ARHGEF12: variants seen among roughly 807,000 people sequenced by gnomAD.
ARHGEF12 encodes the protein KMT2A/ARHGEF12 fusion protein.
A neutral mutation model predicts 211.2 loss-of-function variants in ARHGEF12; 66 were observed. The observed-to-expected ratio is 0.31, with a 90% confidence interval of 0.26 to 0.38. The LOEUF (loss-of-function observed/expected upper bound fraction) is 0.38. ARHGEF12 is among the 10% of genes least tolerant of loss of function. ARHGEF12 has a pLI of 1.00. For synonymous variants in ARHGEF12, 592 were observed against 638.4 expected, an observed-to-expected ratio of 0.93 and a Z score of 1.09; for missense variants, 1,429 against 1,869.5, an observed-to-expected ratio of 0.76 and a Z score of 4.34.
chr11:120,387,069 A>G (rs563329579), intron 1 of ARHGEF12, among the ~76,000 whole-genome samples: 1 of 152,216 alleles, frequency 6.6e-6, no homozygotes, highest in East Asian at 1.9e-4. Flanking sequence ...ATCATTTAAC[A>G]TCGTCTGTAA....
At chr11:120,349,430 C>T (rs1942866588) in intron 1 of ARHGEF12, among the ~76,000 whole-genome samples, 1 of 151,788 alleles carries the variant, frequency 6.6e-6, no homozygotes, top group African/African-American at 2.4e-5. Context: ...GATATCTCAG[C>T]CCTTAATTAT....
In ARHGEF12 at chr11:120,480,250, A is replaced by G. The variant is rs750379086; in HGVS notation, c.4057A>G (p.Ile1353Val). ...LAPQDSQASN[I>V]LVMDHMIMTP... Reference sequence around the variant, plus strand: ...ACCCCAGGATAGCCAGGCAAGTAACATTTTAGTAATGGACCACATGATTAT... The same window carrying G: ...ACCCCAGGATAGCCAGGCAAGTAACGTTTTAGTAATGGACCACATGATTAT... Residue 1353 changes from isoleucine to valine, a missense_variant, in exon 38 of 41, where the codon ATT (isoleucine) becomes GTT (valine). Ile to Val is a conservative substitution (Grantham distance 29). Transcript: ENST00000397843. 12 of 1,614,184 alleles carry G rather than the reference A, an allele frequency of 7.4e-6. No individual in the cohort carries two copies. The South Asian group carries it at 1.2e-4, about 16-fold the overall frequency.
intron 22 of ARHGEF12, 69 bp from the exon 23 acceptor site, chr11:120,457,049 A>T: frequency 6.6e-7 from 1 of 1,518,578 alleles, no homozygotes; most frequent in Non-Finnish European, 9.0e-7. Flanking sequence ...TCTGGGAACT[A>T]ATTTTTTTTG....
At chr11:120,405,441 G>A (rs1170684795) in intron 1 of ARHGEF12, among the ~76,000 whole-genome samples, 1 of 152,084 alleles carries the variant, frequency 6.6e-6, no homozygotes, top group African/African-American at 2.4e-5. Flanking sequence ...CAGCTTATAG[G>A]ACCCCCCCAG....
chr11:120,466,227 T>G (rs1174414350), intron 28 of ARHGEF12, among the ~76,000 whole-genome samples: 1 of 152,258 alleles, frequency 6.6e-6, no homozygotes, highest in Admixed American at 6.5e-5. Context: ...CTCGAGGTTC[T>G]CTTCTAAGCT....
At chr11:120,441,140 T>C (rs1202551361) in intron 13 of ARHGEF12, among the ~76,000 whole-genome samples, 1 of 152,152 alleles carries the variant, frequency 6.6e-6, no homozygotes, top group Non-Finnish European at 1.5e-5. Flanking sequence ...GTGTGTTGTT[T>C]TTCTTTTTGT....
chr11:120,367,704 T>C (rs7116481), intron 1 of ARHGEF12, among the ~76,000 whole-genome samples: 94,437 of 151,952 alleles, frequency 0.62, 30,729 homozygotes, highest in African/African-American at 0.81. Context: ...AGTGCAGTGG[T>C]TCATGCCTGT....
chr11:120,421,861 T>A lies in ARHGEF12; in HGVS notation c.348+9T>A, dbSNP rs532006. The A allele has an allele frequency of 1, 1,604,319 of 1,607,896 alleles. 800,459 individuals carry two copies. The highest frequency in any genetic ancestry group is 1 in the South Asian group (90,049 of 90,050). On this transcript the variant is annotated intron_variant, in intron 6 of 40. Transcript: ENST00000397843. Reference sequence around the variant, plus strand: ...GTGATCGAATCATCAAGGTAAGGAATAGGCTATTATAGAATTTACGGTAGG... The same window carrying A: ...GTGATCGAATCATCAAGGTAAGGAAAAGGCTATTATAGAATTTACGGTAGG...
chr11:120,457,439 G>A (rs951333726), intron 23 of ARHGEF12, 189 bp downstream of exon 23: 10 of 551,082 alleles, frequency 1.8e-5, no homozygotes, highest in Non-Finnish European at 8.6e-6. Flanking sequence ...GACCAGCCTG[G>A]GCAACGTAGT....
chr11:120,358,501 T>A (rs920674001), intron 1 of ARHGEF12, among the ~76,000 whole-genome samples: 3 of 152,190 alleles, frequency 2.0e-5, no homozygotes, highest in African/African-American at 7.2e-5. Context: ...AGATTTAGTT[T>A]AAGTTACTAA....
At chr11:120,389,293 GAGCAAAAGTTTTAA>G (rs1944136999) in intron 1 of ARHGEF12, among the ~76,000 whole-genome samples, 1 of 152,002 alleles carries the variant, frequency 6.6e-6, no homozygotes, top group South Asian at 2.1e-4. Flanking sequence ...ACATTTCCTT[GAGCAAAAGTTTTAA>G]AGTTTGAATT....
Position 120,457,152 on chromosome 11 carries a change from A to G in ARHGEF12, c.2091A>G (p.Gly697=), listed in dbSNP as rs768226543. ...SKQVGETSAP[G]DTLDGTPRTL... is the part of the protein sequence containing the mutation. ...AAGTTGGAGAAACATCAGCACCTGG[A>G]GACACCTTAGATGGCACACCTCGTA... Residue 697 remains glycine, a synonymous_variant, in exon 23 of 41, where the codon GGA becomes GGG. Transcript: ENST00000397843. 6 of 1,614,042 alleles carry G rather than the reference A, an allele frequency of 3.7e-6. No individual in the cohort carries two copies. The South Asian group carries it at 4.4e-5, about 12-fold the overall frequency.
At chr11:120,481,725 G>T in intron 39 of ARHGEF12, 149 bp downstream of exon 39, 9 of 645,748 alleles carry the variant, frequency 1.4e-5, no homozygotes, top group Non-Finnish European at 2.3e-5. Context: ...TGGGTAAAAA[G>T]TTGAGATTGG....
intron 4 of ARHGEF12, among the ~76,000 whole-genome samples, chr11:120,415,460 CAAAAG>C (rs1482170330): frequency 6.6e-6 from 1 of 151,998 alleles, no homozygotes; most frequent in Non-Finnish European, 1.5e-5. Context: ...CTAAAACAAA[CAAAAG>C]AAGTAGGATT....
At chr11:120,347,894 T>C (rs1196732890) in intron 1 of ARHGEF12, among the ~76,000 whole-genome samples, 1 of 152,154 alleles carries the variant, frequency 6.6e-6, no homozygotes, top group African/African-American at 2.4e-5. Context: ...CAGGTGACAA[T>C]GAGGTGGCAG....
chr11:120,470,101 C>T (rs906121131), intron 30 of ARHGEF12, among the ~76,000 whole-genome samples: 1 of 152,194 alleles, frequency 6.6e-6, no homozygotes, highest in Non-Finnish European at 1.5e-5. Flanking sequence ...CCAAGGCCAA[C>T]TCATAAAGGC....
At chr11:120,349,545 G>C (rs755056459) in intron 1 of ARHGEF12, among the ~76,000 whole-genome samples, 95 of 152,120 alleles carry the variant, frequency 6.2e-4, no homozygotes, top group Non-Finnish European at 4.7e-4. Flanking sequence ...AAAAGAGCCT[G>C]GGTTTTGGTG....
Position 120,489,800 on chromosome 11 carries a change from TATATC to T in ARHGEF12, c.*4724_*4728del, listed in dbSNP as rs1468159335. 2.1e-5 allele frequency: 4 copies of T among 187,912 alleles called. No individual in the cohort carries two copies. Among genetic ancestry groups the T allele is most frequent in the Non-Finnish European group, 3.4e-5 (3 of 89,214 alleles). The allele number at this position is 187,912 out of a possible 1,614,324, so 11.6% of individuals were successfully genotyped here. A position where few individuals can be genotyped will look rare whatever the true frequency, so the allele number is the denominator to read the frequency against. ...GTATGCCTGGCTTTGTTTACAAACA[TATATC>T]TATATCTATATATATAGATACAGAT... On this transcript the variant is annotated 3_prime_UTR_variant, in exon 41 of 41. Coordinates refer to ENST00000397843, the MANE Select transcript of ARHGEF12 (RefSeq NM_015313.3).
rs1591656473 is a variant in ARHGEF12 at position 120,487,654 on chromosome 11, CA to C, written c.*2578del. 2.3e-5 allele frequency: 5 copies of C among 217,002 alleles called. No individual in the cohort carries two copies. In the East Asian group the frequency reaches 3.4e-4, roughly 15 times the overall value. The allele number at this position is 217,002 out of a possible 1,614,324, so 13.4% of individuals were successfully genotyped here. ...AAATCTACTTCCCTGCTAAAGGGCACAGGGGTGGTGTACAAAGAAAGCTACC... is the reference window on the plus strand; with the variant it reads ...AAATCTACTTCCCTGCTAAAGGGCACGGGGTGGTGTACAAAGAAAGCTACC... On this transcript the variant is annotated 3_prime_UTR_variant, in exon 41 of 41. Coordinates refer to ENST00000397843, the MANE Select transcript of ARHGEF12 (RefSeq NM_015313.3).
Sources: gnomAD v4.1 joint callset for allele counts (sites outside exome capture counted in the v4.1 genomes callset) on GRCh38, gnomAD v4.1.1 for gene constraint, MANE v1.5 for transcripts, NCBI Gene and HGNC (gene_info 2026-07-23, HGNC 2026-07-21) for gene names.